The following SAMMSON variants were observed in gnomAD, a reference collection of about 807,000 sequenced individuals.
The protein encoded by SAMMSON is survival associated mitochondrial melanoma specific oncogenic non-coding RNA.
chr3:70,050,664 T>C (rs537285979), intron 3 of SAMMSON, among the ~76,000 whole-genome samples: 1 of 152,226 alleles, frequency 6.6e-6, no homozygotes, highest in African/African-American at 2.4e-5. Flanking sequence ...TTGCTATGGA[T>C]CTGTCTTGGT....
At chr3:70,427,929 G>T (rs1422977342) in intron 2 of SAMMSON, among the ~76,000 whole-genome samples, 1 of 151,988 alleles carries the variant, frequency 6.6e-6, no homozygotes. Flanking sequence ...AGAACCAGTT[G>T]TATTTCTATA....
At chr3:70,015,955 G>T (rs2066983134) in intron 3 of SAMMSON, among the ~76,000 whole-genome samples, 1 of 152,156 alleles carries the variant, frequency 6.6e-6, no homozygotes, top group South Asian at 2.1e-4. Flanking sequence ...TCTTAATCCA[G>T]TCTGTCATTG....
At chr3:70,340,365 C>T (rs1043834800) in intron 7 of SAMMSON, among the ~76,000 whole-genome samples, 1 of 143,128 alleles carries the variant, frequency 7.0e-6, no homozygotes, top group African/African-American at 2.6e-5. Flanking sequence ...ATGTTGTGCA[C>T]GTGTATCATA....
intron 9 of SAMMSON, among the ~76,000 whole-genome samples, chr3:70,374,103 A>T (rs1702991880): frequency 6.6e-6 from 1 of 152,100 alleles, no homozygotes; most frequent in African/African-American, 2.4e-5. Context: ...TAATAGAGAC[A>T]GGGTTTCTCC....
At chr3:70,257,211 G>A (rs1398719044) in intron 6 of SAMMSON, among the ~76,000 whole-genome samples, 2 of 152,156 alleles carry the variant, frequency 1.3e-5, no homozygotes, top group Non-Finnish European at 2.9e-5. Context: ...CTTGGGACAG[G>A]TTTCTTTGGC....
At chr3:70,147,828 C>T (rs2067555651) in intron 4 of SAMMSON, among the ~76,000 whole-genome samples, 1 of 151,948 alleles carries the variant, frequency 6.6e-6, no homozygotes, top group East Asian at 1.9e-4. Flanking sequence ...AAATCTTATG[C>T]TCTGCAAAAC....
At chr3:70,324,075 G>T (rs1339802714) in intron 7 of SAMMSON, among the ~76,000 whole-genome samples, 1 of 152,096 alleles carries the variant, frequency 6.6e-6, no homozygotes, top group Non-Finnish European at 1.5e-5. Flanking sequence ...AAAGAAAGAT[G>T]ACAGCCCTAC....
chr3:70,305,437 G>A (rs1015735134), intron 7 of SAMMSON, among the ~76,000 whole-genome samples: 3 of 152,134 alleles, frequency 2.0e-5, no homozygotes, highest in Non-Finnish European at 4.4e-5. Context: ...AAGCATTAGT[G>A]TGGCTTAATA....
chr3:70,412,053 A>T (rs1316212639), intron 2 of SAMMSON, among the ~76,000 whole-genome samples: 1 of 152,208 alleles, frequency 6.6e-6, no homozygotes, highest in Non-Finnish European at 1.5e-5. Flanking sequence ...ATGATCTCAC[A>T]ACCCATTCTA....
chr3:70,191,576 G>A (rs138278804), intron 4 of SAMMSON, among the ~76,000 whole-genome samples: 91 of 152,138 alleles, frequency 6.0e-4, no homozygotes, highest in East Asian at 6.0e-3. Context: ...TTACTTATTG[G>A]GTACGTATCT....
chr3:70,415,930 T>C (rs772517813), intron 2 of SAMMSON, among the ~76,000 whole-genome samples: 2 of 152,186 alleles, frequency 1.3e-5, no homozygotes, highest in African/African-American at 4.8e-5. Context: ...TTGGATTCTG[T>C]GTACAGCAAA....
intron 3 of SAMMSON, among the ~76,000 whole-genome samples, chr3:70,038,975 G>A (rs2067096335): frequency 6.6e-6 from 1 of 152,120 alleles, no homozygotes; most frequent in Non-Finnish European, 1.5e-5. Flanking sequence ...AGTTTTCTTG[G>A]AAATAGAGCC....
At chr3:70,281,657 G>A (rs959170207) in intron 6 of SAMMSON, among the ~76,000 whole-genome samples, 1 of 152,060 alleles carries the variant, frequency 6.6e-6, no homozygotes, top group African/African-American at 2.4e-5. Context: ...ATTTATGCAC[G>A]ATGGTTCTTC....
intron 9 of SAMMSON, among the ~76,000 whole-genome samples, chr3:70,365,268 A>G (rs866614241): frequency 1.1e-4 from 17 of 151,434 alleles, no homozygotes; most frequent in Non-Finnish European, 3.0e-5. Context: ...TTAAAAACCA[A>G]TATCTGGGTA....
At chr3:70,134,059 T>C (rs556970869) in intron 4 of SAMMSON, among the ~76,000 whole-genome samples, 21 of 133,830 alleles carry the variant, frequency 1.6e-4, no homozygotes, top group Admixed American at 3.4e-4. Context: ...CTGGCCAACA[T>C]GGTGAAACCC....
intron 4 of SAMMSON, among the ~76,000 whole-genome samples, chr3:70,171,838 G>A (rs1700959946): frequency 6.6e-6 from 1 of 151,820 alleles, no homozygotes; most frequent in Non-Finnish European, 1.5e-5. Flanking sequence ...TCCCACCCCT[G>A]CCACATATTT....
rs185831445 is a variant in SAMMSON at position 70,239,766 on chromosome 3, A to G, written n.508-9341A>G. On this transcript the variant is annotated intron_variant and non_coding_transcript_variant, in intron 4 of 9. Coordinates refer to ENST00000642114, the Ensembl canonical transcript of SAMMSON. ...TTCCTGTAGGAGATCATATCGCCCT[A>G]TGTTATGATTATATGCTAAATACAG... Among the ~76,000 whole-genome samples, 484 of 152,184 alleles carry G rather than the reference A, an allele frequency of 3.2e-3. 4 individuals carry two copies. The highest frequency in any genetic ancestry group is 3.4e-3 in the Middle Eastern group (1 of 294).
At chr3:70,293,082 A>G (rs1702254993) in intron 7 of SAMMSON, among the ~76,000 whole-genome samples, 1 of 145,080 alleles carries the variant, frequency 6.9e-6, no homozygotes, top group South Asian at 2.2e-4. Context: ...GTAGCATATT[A>G]CATGACGAGA....
intron 3 of SAMMSON, among the ~76,000 whole-genome samples, chr3:70,047,125 A>G (rs1214378294): frequency 6.6e-6 from 1 of 152,158 alleles, no homozygotes; most frequent in Non-Finnish European, 1.5e-5. Flanking sequence ...TGTTAACAGT[A>G]ATAGCAGTTA....
Sources: allele counts gnomAD v4.1 joint callset (sites outside exome capture counted in the v4.1 genomes callset), GRCh38; gene constraint gnomAD v4.1.1; transcripts MANE v1.5; gene names NCBI Gene and HGNC (gene_info 2026-07-23, HGNC 2026-07-21).